BMP3: variants seen among roughly 807,000 people sequenced by gnomAD.
BMP3 encodes the protein bone morphogenetic protein 3, also known as bone morphogenetic protein 3 (osteogenic).
BMP3 carries 23 observed loss-of-function variants against 38.1 expected under a neutral mutation model. The observed-to-expected ratio is 0.60, with a 90% confidence interval of 0.43 to 0.86. The LOEUF (loss-of-function observed/expected upper bound fraction) is 0.86, where lower values mean the gene tolerates loss of function less well. Ranked by LOEUF, BMP3 falls within the 40% of genes least tolerant of loss-of-function variation. BMP3 has a pLI of 0.00. For missense variants in BMP3, 628 were observed against 579.6 expected (o/e 1.08, Z -0.86); for synonymous variants, 258 against 225.7 (o/e 1.14, Z -1.28).
At chr4:81,036,022 G>A (rs1416718427) in intron 1 of BMP3, among the ~76,000 whole-genome samples, 5 of 151,796 alleles carry the variant, frequency 3.3e-5, no homozygotes, top group African/African-American at 1.2e-4. Context: ...GGTTCAATTG[G>A]CATTGTACCA....
At position 81,045,895 on chromosome 4, in the gene BMP3, G is replaced by C. The variant is rs200197558; in HGVS notation, c.474G>C (p.Arg158Ser). Reference protein sequence around the residue: ...VSGGCSHHAQRKHIQIDLSAW... With the variant: ...VSGGCSHHAQSKHIQIDLSAW... ...GAGGATGCTCCCATCATGCTCAGAG[G>C]AAACACATTCAGATTGATCTTTCTG... The change falls in exon 2 of 3, where the codon AGG (arginine) becomes AGC (serine). Residue 158 changes from arginine (R) to serine (S), a missense_variant. Physicochemically the swap from Arg to Ser is moderately radical, Grantham distance 110. Transcript: ENST00000282701. 1.2e-6 allele frequency: 2 copies of C among 1,613,962 alleles called. No homozygotes were observed. Among genetic ancestry groups the C allele is most frequent in the African/African-American group, 2.7e-5 (2 of 74,902 alleles).
At chr4:81,035,620 A>T (rs1263428925) in intron 1 of BMP3, among the ~76,000 whole-genome samples, 2 of 152,090 alleles carry the variant, frequency 1.3e-5, no homozygotes, top group African/African-American at 2.4e-5. Context: ...AGAAGCAAGT[A>T]CTATGATGTA....
chr4:81,046,538 A>T lies in BMP3; in HGVS notation c.1117A>T (p.Arg373Ter). The change falls in exon 2 of 3, where the codon AGA (arginine) becomes TGA (stop). Residue 373 changes from arginine to a stop codon, truncating the protein, a stop_gained. Coordinates refer to ENST00000282701, the MANE Select transcript of BMP3 (RefSeq NM_001201.5). LOFTEE classifies it high-confidence loss of function. ...GATTGAACCTCGGAATTGCGCCAGG[A>T]GATACCTCAAGGTAGACTTTGCAGA... ...QWIEPRNCAR[R>*]YLKVDFADIG... 1.9e-6 allele frequency: 3 copies of T among 1,614,146 alleles called. No individual in the cohort carries two copies. The highest frequency in any genetic ancestry group is 2.5e-6 in the Non-Finnish European group (3 of 1,180,006).
chr4:81,041,945 C>CT (rs147145158), intron 1 of BMP3, among the ~76,000 whole-genome samples: 17,442 of 149,464 alleles, frequency 0.12, 1,128 homozygotes, highest in African/African-American at 0.17. Flanking sequence ...ATGGCATAGT[C>CT]TTTTTTTTTT....
At position 81,031,406 on chromosome 4, in the gene BMP3, C is replaced by T. The variant is rs1373703556; in HGVS notation, c.122C>T (p.Thr41Met). 2 of 1,613,612 alleles carry T rather than the reference C, an allele frequency of 1.2e-6. No homozygotes were observed. Among genetic ancestry groups the T allele is most frequent in the Non-Finnish European group, 1.7e-6 (2 of 1,179,898 alleles). Reference sequence around the variant, plus strand: ...CGCAAAGCTGTGCCAGGTGACCGCACGGCAGGTGGTGGCCCGGACTCCGAG... The same window carrying T: ...CGCAAAGCTGTGCCAGGTGACCGCATGGCAGGTGGTGGCCCGGACTCCGAG... The part of the protein sequence containing the change: ...ELRKAVPGDR[T>M]AGGGPDSELQ... Residue 41 changes from threonine (T) to methionine (M), a missense_variant, in exon 1 of 3, where the codon ACG becomes ATG. Physicochemically the swap from Thr to Met is moderately conservative, Grantham distance 81 (BLOSUM62 -1). Coordinates refer to ENST00000282701, the MANE Select transcript of BMP3 (RefSeq NM_001201.5).
In BMP3 at chr4:81,055,144, T is replaced by C. The variant is rs551901058; in HGVS notation, c.*1608T>C. On this transcript the variant is annotated 3_prime_UTR_variant, in exon 3 of 3. Transcript: ENST00000282701. Reference sequence around the variant, plus strand: ...TATAATTCCAGCTATTTCACACCCGTCTTCCTTGAAGGAATGATAGTGATA... The same window carrying C: ...TATAATTCCAGCTATTTCACACCCGCCTTCCTTGAAGGAATGATAGTGATA... 8.7e-4 allele frequency: 133 copies of C among 152,358 alleles called. No individual in the cohort carries two copies. Among genetic ancestry groups the C allele is most frequent in the African/African-American group, 3.1e-3 (129 of 41,592 alleles). 9.4% of individuals were successfully genotyped at this position (152,358 alleles called of 1,614,324 possible). A position where few individuals can be genotyped will look rare whatever the true frequency, so the allele number is the denominator to read the frequency against.
chr4:81,040,596 C>CT (rs201654966), intron 1 of BMP3, among the ~76,000 whole-genome samples: 1,532 of 152,160 alleles, frequency 0.01, 15 homozygotes, highest in Non-Finnish European at 0.018. Flanking sequence ...CATTGCTAAA[C>CT]TTTTTTTTCT....
rs893198011 is a variant in BMP3 at position 81,054,582 on chromosome 4, T to C, written c.*1046T>C. ...AATTTAACCATAACCAAATATTGAA[T>C]ATCATTCTTCAGTCACATCTAAGTC... On this transcript the variant is annotated 3_prime_UTR_variant, in exon 3 of 3. Coordinates refer to ENST00000282701, the MANE Select transcript of BMP3 (RefSeq NM_001201.5). 4 of 152,170 alleles carry C rather than the reference T, an allele frequency of 2.6e-5. No individual in the cohort carries two copies. Among genetic ancestry groups the C allele is most frequent in the African/African-American group, 9.7e-5 (4 of 41,448 alleles). 9.4% of individuals were successfully genotyped at this position (152,170 alleles called of 1,614,324 possible).
Position 81,054,187 on chromosome 4 carries a change from T to A in BMP3, c.*651T>A, listed in dbSNP as rs1262230109. 1 of 152,548 alleles carries A rather than the reference T, an allele frequency of 6.6e-6. No individual in the cohort carries two copies. Among genetic ancestry groups the A allele is most frequent in the African/African-American group, 2.4e-5 (1 of 41,432 alleles). The allele number at this position is 152,548 out of a possible 1,614,324, so 9.4% of individuals were successfully genotyped here. Reference sequence around the variant, plus strand: ...ATTCAGTTTACACAGGATTCTTTATTTTTTTTAATTTTGTATTTTGGCAAA... The same window carrying A: ...ATTCAGTTTACACAGGATTCTTTATATTTTTTAATTTTGTATTTTGGCAAA... On this transcript the variant is annotated 3_prime_UTR_variant, in exon 3 of 3. Transcript: ENST00000282701.
chr4:81,040,073 A>G (rs1285621231), intron 1 of BMP3, among the ~76,000 whole-genome samples: 1 of 152,220 alleles, frequency 6.6e-6, no homozygotes, highest in Non-Finnish European at 1.5e-5. Context: ...AAGAGAGTAT[A>G]GCTTGTTCAG....
rs3806814 is a variant in BMP3 at position 81,030,737 on chromosome 4, A to G, written c.-548A>G. Among the ~76,000 whole-genome samples the G allele has an allele frequency of 6.6e-6, 1 of 151,360 alleles. No individual in the cohort carries two copies. Among genetic ancestry groups the G allele is most frequent in the Non-Finnish European group, 1.5e-5 (1 of 67,874 alleles). On this transcript the variant is annotated 5_prime_UTR_variant, in exon 1 of 3. Transcript: ENST00000282701. ...CTCTCTCATACACACACACACACGCACACACGCGCGCGCGCGCGCGCACAC... is the reference window on the plus strand; with the variant it reads ...CTCTCTCATACACACACACACACGCGCACACGCGCGCGCGCGCGCGCACAC...
At chr4:81,033,673 A>G (rs966288609) in intron 1 of BMP3, among the ~76,000 whole-genome samples, 1 of 152,118 alleles carries the variant, frequency 6.6e-6, no homozygotes, top group Non-Finnish European at 1.5e-5. Flanking sequence ...AGTTACTAAC[A>G]CACTAAAAAG....
intron 1 of BMP3, among the ~76,000 whole-genome samples, chr4:81,033,493 C>T (rs925125532): frequency 2.0e-4 from 31 of 152,142 alleles, no homozygotes; most frequent in African/African-American, 6.0e-4. Flanking sequence ...TGCATATATA[C>T]AAGGCTGTGT....
chr4:81,045,231 G>A, intron 1 of BMP3, among the ~76,000 whole-genome samples: 1 of 152,060 alleles, frequency 6.6e-6, no homozygotes. Context: ...ATCTTGTCAT[G>A]TGCTTCTTGG....
intron 1 of BMP3, among the ~76,000 whole-genome samples, chr4:81,036,552 G>A (rs914397714): frequency 1.1e-4 from 16 of 151,850 alleles, no homozygotes; most frequent in Admixed American, 4.6e-4. Context: ...GGGTAGTAGT[G>A]GAAAGACATT....
intron 1 of BMP3, among the ~76,000 whole-genome samples, chr4:81,031,877 A>G (rs180981471): frequency 1.2e-3 from 185 of 152,208 alleles, no homozygotes; most frequent in Middle Eastern, 6.8e-3. Context: ...TCGTGGAAAA[A>G]GGGAAGGGGC....
chr4:81,041,498 A>G (rs1302766720), intron 1 of BMP3, among the ~76,000 whole-genome samples: 1 of 152,136 alleles, frequency 6.6e-6, no homozygotes, highest in Non-Finnish European at 1.5e-5. Context: ...GACCTAGAAC[A>G]GGCAGAGATC....
intron 1 of BMP3, among the ~76,000 whole-genome samples, chr4:81,036,551 T>C (rs2109902916): frequency 6.6e-6 from 1 of 152,190 alleles, no homozygotes; most frequent in Non-Finnish European, 1.5e-5. Flanking sequence ...GGGGTAGTAG[T>C]GGAAAGACAT....
intron 2 of BMP3, among the ~76,000 whole-genome samples, chr4:81,047,811 G>T (rs1233529825): frequency 1.3e-5 from 2 of 151,998 alleles, no homozygotes; most frequent in East Asian, 3.9e-4. Flanking sequence ...ACAGTGGCAT[G>T]CCCCTGTAGT....
Sources: gnomAD v4.1 joint callset for allele counts (sites outside exome capture counted in the v4.1 genomes callset) on GRCh38, gnomAD v4.1.1 for gene constraint, MANE v1.5 for transcripts, NCBI Gene and HGNC (gene_info 2026-07-23, HGNC 2026-07-21) for gene names.